The following CCN4 variants were observed in gnomAD, a reference collection of about 807,000 sequenced individuals.
CCN4 encodes cellular communication network factor 4, also known as CCN family member 4.
A neutral mutation model predicts 36.7 loss-of-function variants in CCN4; 30 were observed. The ratio of observed to expected loss-of-function variants is 0.82; its 90% CI spans 0.61 to 1.11. The LOEUF is 1.11. Ranked by LOEUF, CCN4 falls within the 50% of genes least tolerant of loss-of-function variation. CCN4 has a pLI of 0.00. For synonymous variants in CCN4, 191 were observed against 195.4 expected (o/e 0.98, Z 0.19); for missense variants, 505 against 504.9 (o/e 1.00, Z 0.00).
chr8:133,227,575 G>A lies in CCN4; in HGVS notation c.969G>A (p.Gln323=), dbSNP rs757724822. 23 of 1,614,106 alleles carry A rather than the reference G, an allele frequency of 1.4e-5. No homozygotes were observed. The Admixed American group carries it at 3.0e-4, about 21-fold the overall frequency. The change falls in exon 5 of 5, where the codon CAG becomes CAA. Residue 323 remains glutamine (Q), a synonymous_variant. Transcript: ENST00000250160. ...CTAAGACTATCGACGTGTCCTTCCA[G>A]TGTCCTGATGGGCTTGGCTTCTCCC... ...YKSKTIDVSF[Q]CPDGLGFSRQ...
At chr8:133,196,905 G>C (rs1030071687) in intron 1 of CCN4, among the ~76,000 whole-genome samples, 2 of 152,182 alleles carry the variant, frequency 1.3e-5, no homozygotes, top group African/African-American at 4.8e-5. Flanking sequence ...CTCAGCACCA[G>C]TTGGCTAGGA....
intron 1 of CCN4, among the ~76,000 whole-genome samples, chr8:133,207,329 C>T (rs2130559949): frequency 6.6e-6 from 1 of 152,366 alleles, no homozygotes; most frequent in African/African-American, 2.4e-5. Context: ...TCATTTTTGG[C>T]AGCAACAAGA....
chr8:133,206,289 C>T (rs1277617905), intron 1 of CCN4, among the ~76,000 whole-genome samples: 1 of 152,198 alleles, frequency 6.6e-6, no homozygotes, highest in African/African-American at 2.4e-5. Flanking sequence ...GACTCCCCAT[C>T]ATGACAGACC....
chr8:133,191,327 A>G (rs1254410607), intron 1 of CCN4, 114 bp downstream of exon 1: 20 of 1,272,420 alleles, frequency 1.6e-5, no homozygotes, highest in Non-Finnish European at 2.1e-5. Flanking sequence ...TGGGGCTGGA[A>G]GGTGGCCACT....
At chr8:133,213,459 C>CT (rs1238018346) in intron 2 of CCN4, among the ~76,000 whole-genome samples, 4 of 152,200 alleles carry the variant, frequency 2.6e-5, no homozygotes, top group Non-Finnish European at 4.4e-5. Flanking sequence ...GTGGTAGGAT[C>CT]TTTTAACAAA....
Position 133,226,923 on chromosome 8 carries a change from T to C in CCN4, c.805-488T>C, listed in dbSNP as rs115802737. ...AGCCCAGTGGAAGGTAGCGTTACCT[T>C]TAATGTCAACCATTTGAATACGTTG... On this transcript the variant is annotated intron_variant, in intron 4 of 4. Coordinates refer to ENST00000250160, the MANE Select transcript of CCN4 (RefSeq NM_003882.4). Among the ~76,000 whole-genome samples, 357 of 152,324 alleles carry C rather than the reference T, an allele frequency of 2.3e-3. 1 individual carries two copies. Among genetic ancestry groups the C allele is most frequent in the African/African-American group, 8.2e-3 (341 of 41,574 alleles).
intron 1 of CCN4, among the ~76,000 whole-genome samples, chr8:133,210,621 GA>G (rs1264030179): frequency 6.6e-6 from 1 of 150,526 alleles, no homozygotes; most frequent in African/African-American, 2.4e-5. Context: ...CTGCAGGCAA[GA>G]TTTTTTTTGG....
chr8:133,210,429 A>G (rs1041326870), intron 1 of CCN4, among the ~76,000 whole-genome samples: 2 of 147,414 alleles, frequency 1.4e-5, no homozygotes, highest in African/African-American at 5.2e-5. Flanking sequence ...GTGTTTACTG[A>G]TTCGGATATG....
intron 1 of CCN4, among the ~76,000 whole-genome samples, chr8:133,199,687 C>G (rs1853517138): frequency 6.6e-6 from 1 of 152,162 alleles, no homozygotes; most frequent in East Asian, 1.9e-4. Context: ...AAATCTGTCG[C>G]CTACATACAC....
intron 1 of CCN4, among the ~76,000 whole-genome samples, chr8:133,205,284 G>A (rs1299079157): frequency 6.6e-6 from 1 of 152,250 alleles, no homozygotes; most frequent in African/African-American, 2.4e-5. Context: ...AGTACATCAT[G>A]AAAGAGACTT....
At chr8:133,221,132 G>T (rs1400991199) in intron 3 of CCN4, among the ~76,000 whole-genome samples, 1 of 152,248 alleles carries the variant, frequency 6.6e-6, no homozygotes, top group Non-Finnish European at 1.5e-5. Flanking sequence ...AAGAGTTAGG[G>T]ATGGGTGGTG....
intron 3 of CCN4, among the ~76,000 whole-genome samples, chr8:133,222,392 CTGTT>C (rs1243686335): frequency 6.6e-6 from 1 of 152,144 alleles, no homozygotes; most frequent in Non-Finnish European, 1.5e-5. Context: ...GAGATCTACT[CTGTT>C]TGAAACAGAC....
At chr8:133,211,698 C>G (rs1174761246) in intron 1 of CCN4, among the ~76,000 whole-genome samples, 1 of 152,190 alleles carries the variant, frequency 6.6e-6, no homozygotes, top group African/African-American at 2.4e-5. Flanking sequence ...CCCACAGAAG[C>G]CCTGGATTCT....
chr8:133,228,796 C>T lies in CCN4; in HGVS notation c.*1086C>T, dbSNP rs1379473014. The T allele has an allele frequency of 1.3e-5, 2 of 152,098 alleles. No homozygotes were observed. Among genetic ancestry groups the T allele is most frequent in the African/African-American group, 2.4e-5 (1 of 41,398 alleles). The allele number at this position is 152,098 out of a possible 1,614,324, so 9.4% of individuals were successfully genotyped here. On this transcript the variant is annotated 3_prime_UTR_variant, in exon 5 of 5. Coordinates refer to ENST00000250160, the MANE Select transcript of CCN4 (RefSeq NM_003882.4). ...TGGAGGCTGTGGGACTCCAGGGGCC[C>T]CCGTGTTCAGGACACATCTATTGCA...
rs1463978016 is a variant in CCN4, at chr8:133,194,718, G to T, written c.69+3505G>T. On this transcript the variant is annotated intron_variant, in intron 1 of 4. Coordinates refer to ENST00000250160, the MANE Select transcript of CCN4 (RefSeq NM_003882.4). ...GTGGAGGGTGTGTGTGGTGTGTGTG[G>T]GGATGTGTGTAGTGTGTGTGTGGTG... Among the ~76,000 whole-genome samples the T allele has an allele frequency of 4.1e-3, 438 of 107,160 alleles. 2 individuals carry two copies. The highest frequency in any genetic ancestry group is 5.6e-3 in the Non-Finnish European group (321 of 56,914). The allele number at this position is 107,160 out of a possible 152,430, so 70.3% of individuals were successfully genotyped here.
chr8:133,214,532 A>T (rs1370381484), intron 2 of CCN4, among the ~76,000 whole-genome samples: 5 of 141,084 alleles, frequency 3.5e-5, no homozygotes, highest in African/African-American at 1.6e-4. Flanking sequence ...TGTTGTTGTT[A>T]GTTGTTGTTT....
chr8:133,209,616 T>C (rs1447007738), intron 1 of CCN4, among the ~76,000 whole-genome samples: 1 of 152,222 alleles, frequency 6.6e-6, no homozygotes, highest in Admixed American at 6.5e-5. Context: ...CTTCTGGGCA[T>C]CTTTAACTTG....
At chr8:133,220,534 C>T (rs1349721680) in intron 2 of CCN4, 47 bp from the exon 3 acceptor site, 1 of 1,593,382 alleles carries the variant, frequency 6.3e-7, no homozygotes, top group Non-Finnish European at 8.6e-7. Flanking sequence ...CTGGGCCAGC[C>T]AGGGGCACCA....
intron 4 of CCN4, among the ~76,000 whole-genome samples, chr8:133,226,276 T>C (rs1854733075): frequency 6.6e-6 from 1 of 152,220 alleles, no homozygotes; most frequent in Non-Finnish European, 1.5e-5. Flanking sequence ...TCAACAGTTA[T>C]TCCATTTTTG....
Sources: gnomAD v4.1 joint callset for allele counts (sites outside exome capture counted in the v4.1 genomes callset) on GRCh38, gnomAD v4.1.1 for gene constraint, MANE v1.5 for transcripts, NCBI Gene and HGNC (gene_info 2026-07-23, HGNC 2026-07-21) for gene names.